The following COL24A1 variants were observed in gnomAD, a reference collection of about 807,000 sequenced individuals.
COL24A1 encodes collagen type XXIV alpha 1 chain.
COL24A1 carries 224 observed loss-of-function variants against 253.9 expected under a neutral mutation model. That is an observed-to-expected ratio of 0.88 (90% CI 0.79 to 0.99). The LOEUF (loss-of-function observed/expected upper bound fraction) is 0.99, where lower values mean the gene tolerates loss of function less well. COL24A1 is among the 50% of genes least tolerant of loss of function. The pLI is 0.00. For missense variants in COL24A1, 2,131 were observed against 2,068.5 expected (o/e 1.03, Z -0.59); for synonymous variants, 685 against 673.7 (o/e 1.02, Z -0.26).
At chr1:86,017,076 G>T in intron 19 of COL24A1, 75 bp downstream of exon 19, 1 of 1,317,400 alleles carries the variant, frequency 7.6e-7, no homozygotes, top group South Asian at 1.3e-5. Context: ...TTGCTATGTT[G>T]AAACATGTTT....
intron 3 of COL24A1, among the ~76,000 whole-genome samples, chr1:86,123,708 G>C (rs1181374543): frequency 2.6e-5 from 4 of 151,906 alleles, no homozygotes; most frequent in Non-Finnish European, 5.9e-5. Flanking sequence ...TCAATTTTAT[G>C]ACCAATATGT....
At chr1:85,874,810 T>C in intron 34 of COL24A1, 108 bp from the exon 35 acceptor site, 1 of 1,219,236 alleles carries the variant, frequency 8.2e-7, no homozygotes, top group Non-Finnish European at 1.2e-6. Flanking sequence ...CCGTAGAGGG[T>C]ACCTGTCCAA....
At position 85,961,250 on chromosome 1, in the gene COL24A1, G is replaced by A; in HGVS notation, c.2561C>T (p.Thr854Ile). 6.3e-7 allele frequency: 1 copy of A among 1,599,414 alleles called. No individual in the cohort carries two copies. Among genetic ancestry groups the A allele is most frequent in the Admixed American group, 1.7e-5 (1 of 59,724 alleles). Residue 854 changes from threonine (T) to isoleucine (I), a missense_variant and splice_region_variant, in exon 24 of 60, where the codon ACA (threonine) becomes ATA (isoleucine). Thr to Ile is a moderately conservative substitution (Grantham distance 89). Transcript: ENST00000370571. ...DQGNIGKIGE[T>I]GPVGLPGEVG... The stretch of plus-strand genomic sequence containing the variant: ...AATAAGAGCATAAAATAAGCTTACT[G>A]TTTCACCAATTTTTCCAATATTTCC...
At chr1:85,968,811 A>G (rs959009854) in intron 22 of COL24A1, among the ~76,000 whole-genome samples, 44 of 152,206 alleles carry the variant, frequency 2.9e-4, no homozygotes, top group African/African-American at 1.0e-3. Context: ...TGGTATCAGC[A>G]CATTTTCAAA....
At position 86,089,221 on chromosome 1, in the gene COL24A1, G is replaced by T. The variant is rs1330053337; in HGVS notation, c.1660C>A (p.Gln554Lys). 15 of 1,586,572 alleles carry T rather than the reference G, an allele frequency of 9.5e-6. No individual in the cohort carries two copies. The highest frequency in any genetic ancestry group is 1.2e-5 in the Non-Finnish European group (14 of 1,172,650). ...GQPVPGEKGDQGLSGLMGPPG... is the reference protein window; with the variant it reads ...GQPVPGEKGDKGLSGLMGPPG... ...GGGCCCATTAATCCAGAAAGGCCTT[G>T]ATCACCCTATAAACAAAATACAGAC... The change falls in exon 7 of 60, where the codon CAA (glutamine) becomes AAA (lysine). Residue 554 changes from glutamine (Q) to lysine (K), a missense_variant. Physicochemically the swap from Gln to Lys is moderately conservative, Grantham distance 53. Coordinates refer to ENST00000370571, the MANE Select transcript of COL24A1 (RefSeq NM_152890.7).
chr1:85,776,289 G>T (rs144726088), intron 52 of COL24A1, among the ~76,000 whole-genome samples: 2 of 152,052 alleles, frequency 1.3e-5, no homozygotes, highest in African/African-American at 4.8e-5. Flanking sequence ...AATTCCATTG[G>T]CAAGAGAATA....
At chr1:86,017,048 A>T in intron 19 of COL24A1, 103 bp downstream of exon 19, 1 of 1,080,202 alleles carries the variant, frequency 9.3e-7, no homozygotes, top group Middle Eastern at 2.3e-4. Context: ...TAAACTTTAA[A>T]GAGGATCTTT....
rs111940418 is a variant in COL24A1, at chr1:85,815,458, G to A, written c.3951+1330C>T. On this transcript the variant is annotated intron_variant, in intron 47 of 59. Coordinates refer to ENST00000370571, the MANE Select transcript of COL24A1 (RefSeq NM_152890.7). ...CCTGGCTGTTAAAGTTTCGTAGGCC[G>A]TAACCTGATGCCATGAGGCTCTGAT... Among the ~76,000 whole-genome samples, 1,452 of 152,126 alleles carry A rather than the reference G, an allele frequency of 9.5e-3. 22 individuals are homozygous for A. Among genetic ancestry groups the A allele is most frequent in the African/African-American group, 0.033 (1,373 of 41,472 alleles).
intron 2 of COL24A1, among the ~76,000 whole-genome samples, chr1:86,137,669 C>A (rs1300662175): frequency 6.6e-6 from 1 of 152,148 alleles, no homozygotes; most frequent in Non-Finnish European, 1.5e-5. Flanking sequence ...AAATACCAGG[C>A]CTAATGACTT....
chr1:85,908,624 C>T lies in COL24A1; in HGVS notation c.2698G>A (p.Gly900Arg). The change falls in exon 27 of 60, where the codon GGA (glycine) becomes AGA (arginine). Residue 900 changes from glycine to arginine, a missense_variant. Transcript: ENST00000370571. ...MGYPGPPGVPGPIGPLGLPGH... is the reference protein window; with the variant it reads ...MGYPGPPGVPRPIGPLGLPGH... Reference sequence around the variant, plus strand: ...GGTAATCCCAATGGACCGATAGGTCCTGGAACCCCAGGAGGACCTGGATAT... The same window carrying T: ...GGTAATCCCAATGGACCGATAGGTCTTGGAACCCCAGGAGGACCTGGATAT... 4.1e-6 allele frequency: 6 copies of T among 1,475,144 alleles called. No homozygotes were observed. The highest frequency in any genetic ancestry group is 5.5e-6 in the Non-Finnish European group (6 of 1,100,158). 91.4% of individuals were successfully genotyped at this position (1,475,144 alleles called of 1,614,324 possible).
intron 7 of COL24A1, among the ~76,000 whole-genome samples, chr1:86,086,702 G>A (rs1006590078): frequency 2.0e-5 from 3 of 152,148 alleles, no homozygotes; most frequent in East Asian, 1.9e-4. Flanking sequence ...AACCTCCAAA[G>A]GAACAGAATA....
At chr1:86,110,976 G>T (rs1013643832) in intron 5 of COL24A1, among the ~76,000 whole-genome samples, 1 of 152,212 alleles carries the variant, frequency 6.6e-6, no homozygotes, top group Non-Finnish European at 1.5e-5. Context: ...CGTTGCCCCT[G>T]CATGACATCC....
chr1:86,077,384 T>C (rs1055038289), intron 7 of COL24A1, among the ~76,000 whole-genome samples: 1 of 152,162 alleles, frequency 6.6e-6, no homozygotes, highest in Non-Finnish European at 1.5e-5. Context: ...TTTTACACTG[T>C]TGGTTGGAGT....
intron 18 of COL24A1, among the ~76,000 whole-genome samples, chr1:86,021,623 C>T (rs1697548006): frequency 1.3e-5 from 2 of 150,460 alleles, no homozygotes; most frequent in African/African-American, 2.4e-5. Flanking sequence ...TGTGTAGATA[C>T]TCAGCAAATG....
intron 19 of COL24A1, among the ~76,000 whole-genome samples, chr1:86,007,086 A>G (rs948355076): frequency 3.9e-5 from 6 of 152,084 alleles, no homozygotes; most frequent in Non-Finnish European, 5.9e-5. Context: ...ACAGTGGCAC[A>G]TGGCTGTGGT....
rs192677658 is a variant in COL24A1 at position 86,142,305 on chromosome 1, C to T, written c.121+3814G>A. 9.2e-3 allele frequency among the ~76,000 whole-genome samples: 1,400 copies of T among 151,892 alleles called. 25 individuals carry two copies. Among genetic ancestry groups the T allele is most frequent in the East Asian group, 0.073 (373 of 5,140 alleles). ...TTGGGAGGCCGAGGCGGGAGGATCA[C>T]GAGATCAGGAGATCGAGACCATCCT... On this transcript the variant is annotated intron_variant, in intron 2 of 59. Coordinates refer to ENST00000370571, the MANE Select transcript of COL24A1 (RefSeq NM_152890.7).
intron 37 of COL24A1, among the ~76,000 whole-genome samples, chr1:85,867,571 A>G (rs313770): frequency 0.42 from 64,272 of 152,094 alleles, 13,994 homozygotes; most frequent in South Asian, 0.59. Context: ...AAAGGCATGA[A>G]CATTTACAGA....
chr1:85,943,506 A>G (rs1688950113), intron 24 of COL24A1, among the ~76,000 whole-genome samples: 2 of 152,208 alleles, frequency 1.3e-5, no homozygotes, highest in Non-Finnish European at 2.9e-5. Context: ...AATGAAAGAG[A>G]TCTGTGAAAT....
At chr1:85,778,435 T>C (rs369187027) in intron 52 of COL24A1, among the ~76,000 whole-genome samples, 4 of 152,048 alleles carry the variant, frequency 2.6e-5, no homozygotes, top group Non-Finnish European at 4.4e-5. Flanking sequence ...TTATATATTG[T>C]ATGCTTTGTA....
Sources: gnomAD v4.1 joint callset for allele counts (sites outside exome capture counted in the v4.1 genomes callset) on GRCh38, gnomAD v4.1.1 for gene constraint, MANE v1.5 for transcripts, NCBI Gene and HGNC (gene_info 2026-07-23, HGNC 2026-07-21) for gene names.